SPEN: variants seen among roughly 807,000 people sequenced by gnomAD.
SPEN encodes the protein spen family transcriptional repressor, also known as msx2-interacting protein.
SPEN carries 18 observed loss-of-function variants against 269.9 expected under a neutral mutation model. The observed-to-expected ratio is 0.07, with a 90% confidence interval of 0.05 to 0.10. The LOEUF is 0.10. Among genes scored for constraint, SPEN ranks in the 10% least tolerant of loss-of-function variants. The pLI, the probability that SPEN is intolerant of heterozygous loss-of-function variation, is 1.00. For missense variants in SPEN, 3,822 were observed against 4,631.2 expected (o/e 0.83, Z 5.07); for synonymous variants, 1,726 against 1,765.7 (o/e 0.98, Z 0.56).
chr1:15,931,725 C>G lies in SPEN; in HGVS notation c.5485C>G (p.Gln1829Glu), dbSNP rs2071222788. ...AAGCAAGCGTTCAAAGACCCCTGTT[C>G]AGGCAGCTGCAGTGAGTATCGTGGA... is the stretch of plus-strand genomic sequence containing the variant. ...NKSKRSKTPV[Q>E]AAAVSIVEKP... is the part of the protein sequence containing the mutation. Residue 1829 changes from glutamine to glutamate, a missense_variant, in exon 11 of 15, where the codon CAG (glutamine) becomes GAG (glutamate). Physicochemically the swap from Gln to Glu is conservative, Grantham distance 29. This residue lies in a region of SPEN where 533 missense variants were observed against 618.8 expected (regional missense o/e 0.86). Coordinates refer to ENST00000375759, the MANE Select transcript of SPEN (RefSeq NM_015001.3). The surrounding 1 kb of genome is among the most constrained non-coding windows in gnomAD (Gnocchi z 4.8). 6.2e-7 allele frequency: 1 copy of G among 1,614,144 alleles called. No individual in the cohort carries two copies. Among genetic ancestry groups the G allele is most frequent in the Non-Finnish European group, 8.5e-7 (1 of 1,180,028 alleles).
intron 3 of SPEN, among the ~76,000 whole-genome samples, chr1:15,879,758 C>T (rs2070668783): frequency 6.6e-6 from 1 of 151,820 alleles, no homozygotes; most frequent in Non-Finnish European, 1.5e-5. Context: ...GCAAGCTCCA[C>T]CTCCCGGGTT....
chr1:15,930,687 G>A lies in SPEN; in HGVS notation c.4447G>A (p.Val1483Ile), dbSNP rs1047995944. ...TCGAAACAACAAAGATAAAGAAAAG[G>A]TTGACTCTGCTCCAAGACCTATTCC... ...NFRNNKDKEK[V>I]DSAPRPIPSW... Residue 1483 changes from valine to isoleucine, a missense_variant, in exon 11 of 15, where the codon GTT (valine) becomes ATT (isoleucine). Val to Ile is a conservative substitution (Grantham distance 29, BLOSUM62 3). This residue lies in a region of SPEN where 267 missense variants were observed against 315.5 expected (regional missense o/e 0.85). Transcript: ENST00000375759. This position sits in a 1 kb window ranked among gnomAD's most constrained non-coding sequence, Gnocchi z 5.3. 1.2e-6 allele frequency: 2 copies of A among 1,614,004 alleles called. No homozygotes were observed. The highest frequency in any genetic ancestry group is 2.7e-5 in the African/African-American group (2 of 74,906).
intron 5 of SPEN, among the ~76,000 whole-genome samples, chr1:15,914,163 C>A (rs189539174): frequency 6.6e-6 from 1 of 152,278 alleles, no homozygotes; most frequent in East Asian, 1.9e-4. Flanking sequence ...GAAAGTACAT[C>A]ATAGTCTGAT....
intron 5 of SPEN, among the ~76,000 whole-genome samples, chr1:15,915,326 G>A (rs574769776): frequency 2.0e-5 from 3 of 151,880 alleles, no homozygotes; most frequent in Non-Finnish European, 2.9e-5. Flanking sequence ...CAACAGGCTG[G>A]GGGGGTGGAA....
rs1242417650 is a variant in SPEN at position 15,934,090 on chromosome 1, A to C, written c.7850A>C (p.Lys2617Thr). 6 of 1,610,890 alleles carry C rather than the reference A, an allele frequency of 3.7e-6. No homozygotes were observed. The highest frequency in any genetic ancestry group is 5.1e-6 in the Non-Finnish European group (6 of 1,177,542). Reference protein sequence around the residue: ...KEKVAPVIAPKITSVISRMPV... With the variant: ...KEKVAPVIAPTITSVISRMPV... ...AAGGTGGCTCCAGTCATTGCTCCCA[A>C]AATTACCTCTGTTATTAGCCGGATG... The change falls in exon 11 of 15, where the codon AAA becomes ACA. Residue 2617 changes from lysine (K) to threonine (T), a missense_variant. Physicochemically the swap from Lys to Thr is moderately conservative, Grantham distance 78. Coordinates refer to ENST00000375759, the MANE Select transcript of SPEN (RefSeq NM_015001.3). This position sits in a 1 kb window ranked among gnomAD's most constrained non-coding sequence, Gnocchi z 9.2.
Position 15,939,555 on chromosome 1 carries a change from TGCTGTCCTGCCGCCC to T in SPEN, c.*130_*144del. On this transcript the variant is annotated 3_prime_UTR_variant, in exon 15 of 15. Transcript: ENST00000375759. The surrounding 1 kb of genome is among the most constrained non-coding windows in gnomAD (Gnocchi z 4.1). ...CTCCACTGCCAGACGGCCAGCCGTT[TGCTGTCCTGCCGCCC>T]GGCTCAGTCGGCCAGACTTCCTCTA... 1.7e-6 allele frequency: 2 copies of T among 1,201,150 alleles called. No homozygotes were observed. Among genetic ancestry groups the T allele is most frequent in the Non-Finnish European group, 2.2e-6 (2 of 889,172 alleles). 74.4% of individuals were successfully genotyped at this position (1,201,150 alleles called of 1,614,324 possible).
chr1:15,930,962 T>G lies in SPEN; in HGVS notation c.4722T>G (p.Asp1574Glu). The change falls in exon 11 of 15, where the codon GAT becomes GAG. Residue 1574 changes from aspartate (D) to glutamate (E), a missense_variant. Physicochemically the swap from Asp to Glu is conservative, Grantham distance 45. This residue lies in a region of SPEN where 533 missense variants were observed against 618.8 expected (regional missense o/e 0.86). Transcript: ENST00000375759. The surrounding 1 kb of genome is among the most constrained non-coding windows in gnomAD (Gnocchi z 5.3). The stretch of plus-strand genomic sequence containing the variant: ...CTGAGGGAGCAAACAGCACAACTGA[T>G]TCCATTCAAGAACCAGTAGTTCTGT... The part of the protein sequence containing the change: ...QTSEGANSTT[D>E]SIQEPVVLFH... 1 of 1,614,148 alleles carries G rather than the reference T, an allele frequency of 6.2e-7. No individual in the cohort carries two copies. Among genetic ancestry groups the G allele is most frequent in the Non-Finnish European group, 8.5e-7 (1 of 1,180,030 alleles).
At position 15,876,558 on chromosome 1, in the gene SPEN, C is replaced by G; in HGVS notation, c.761C>G (p.Ser254Cys). ...SPHSSQSRNQ[S>C]PQRLASQASR... ...CATTCATCCCAGTCTAGAAATCAGT[C>G]TCCTCAGAGACTGGCTAGCCAAGCA... is the stretch of plus-strand genomic sequence containing the variant. Residue 254 changes from serine to cysteine, a missense_variant, in exon 3 of 15, where the codon TCT (serine) becomes TGT (cysteine). Ser to Cys is a moderately radical substitution (Grantham distance 112). Transcript: ENST00000375759. 1 of 1,614,108 alleles carries G rather than the reference C, an allele frequency of 6.2e-7. No individual in the cohort carries two copies. Among genetic ancestry groups the G allele is most frequent in the South Asian group, 1.1e-5 (1 of 91,076 alleles).
chr1:15,867,719 T>C (rs1452290066), intron 1 of SPEN, among the ~76,000 whole-genome samples: 1 of 152,110 alleles, frequency 6.6e-6, no homozygotes, highest in Non-Finnish European at 1.5e-5. Context: ...TGCCTTTTTT[T>C]TTTTTTTAGC....
chr1:15,897,740 C>G (rs1431218562), intron 3 of SPEN, among the ~76,000 whole-genome samples: 1 of 152,138 alleles, frequency 6.6e-6, no homozygotes, highest in Non-Finnish European at 1.5e-5. Context: ...CTTAGGTGAT[C>G]CACCTGCCTC....
chr1:15,926,384 TACACACACACACAC>T (rs34826146), intron 10 of SPEN, among the ~76,000 whole-genome samples: 3 of 145,768 alleles, frequency 2.1e-5, no homozygotes, highest in African/African-American at 5.1e-5. Flanking sequence ...GATATATACA[TACACACACACACAC>T]ACACACACAC....
intron 1 of SPEN, among the ~76,000 whole-genome samples, chr1:15,855,129 A>G (rs944718177): frequency 1.3e-5 from 2 of 152,208 alleles, no homozygotes; most frequent in Non-Finnish European, 2.9e-5. Context: ...TTTGTGGGAA[A>G]ATTCAAATGA....
chr1:15,915,910 T>C (rs548862974), intron 5 of SPEN, among the ~76,000 whole-genome samples: 1 of 152,346 alleles, frequency 6.6e-6, no homozygotes, highest in Non-Finnish European at 1.5e-5. Context: ...GCCTTAATTT[T>C]TTTTTGAAAC....
intron 3 of SPEN, among the ~76,000 whole-genome samples, chr1:15,904,891 C>CT (rs869308621): frequency 2.4e-3 from 345 of 144,256 alleles, no homozygotes; most frequent in Middle Eastern, 3.6e-3. Context: ...TTGTCTCTCT[C>CT]TTTTTTTTTT....
chr1:15,886,045 G>A (rs2070733465), intron 3 of SPEN, among the ~76,000 whole-genome samples: 1 of 152,170 alleles, frequency 6.6e-6, no homozygotes, highest in African/African-American at 2.4e-5. Flanking sequence ...TCTCATAATG[G>A]ATACCTGTAA....
chr1:15,873,180 T>A, intron 2 of SPEN, 44 bp downstream of exon 2: 1 of 1,545,686 alleles, frequency 6.5e-7, no homozygotes, highest in Non-Finnish European at 8.8e-7. Context: ...GTATTTGATA[T>A]GGTGAGAAAC....
rs1337066737 is a variant in SPEN, at chr1:15,937,261, T to TCAGCCCGGC, written c.10131_10139dup (p.Gly3378_Pro3380dup). 4 of 1,613,376 alleles carry TCAGCCCGGC rather than the reference T, an allele frequency of 2.5e-6. No individual in the cohort carries two copies. In the African/African-American group the frequency reaches 5.4e-5, roughly 22 times the overall value. On this transcript the variant is annotated inframe_insertion, in exon 12 of 15. Coordinates refer to ENST00000375759, the MANE Select transcript of SPEN (RefSeq NM_015001.3). The surrounding 1 kb of genome is among the most constrained non-coding windows in gnomAD (Gnocchi z 5.7). ...CACCCTGCCCGCCCTCCCAGCTCGG[T>TCAGCCCGGC]CAGCCCGGCCAGCCACCAAGCAGCA...
chr1:15,866,543 C>T (rs1329137041), intron 1 of SPEN, among the ~76,000 whole-genome samples: 6 of 152,032 alleles, frequency 3.9e-5, no homozygotes, highest in Admixed American at 6.6e-5. Context: ...TTAGTAGAGA[C>T]GGGGTTTCAC....
intron 3 of SPEN, among the ~76,000 whole-genome samples, chr1:15,897,601 A>AT (rs1286082023): frequency 6.6e-6 from 1 of 151,916 alleles, no homozygotes; most frequent in Non-Finnish European, 1.5e-5. Flanking sequence ...ACCTCAGGTG[A>AT]TCCCCCCGCC....
Sources: allele counts gnomAD v4.1 joint callset (sites outside exome capture counted in the v4.1 genomes callset), GRCh38; gene constraint gnomAD v4.1.1; regional missense constraint gnomAD v4.1.1; non-coding constraint Gnocchi (gnomAD v3.1); transcripts MANE v1.5; gene names NCBI Gene and HGNC (gene_info 2026-07-23, HGNC 2026-07-21).